AHI1: variants seen among roughly 807,000 people sequenced by gnomAD.
AHI1 encodes Abelson helper integration site 1.
AHI1 carries 123 observed loss-of-function variants against 149.3 expected under a neutral mutation model. The ratio of observed to expected loss-of-function variants is 0.82; its 90% CI spans 0.71 to 0.96. The LOEUF (loss-of-function observed/expected upper bound fraction) is 0.96, where lower values mean the gene tolerates loss of function less well. Ranked by LOEUF, AHI1 falls within the 40% of genes least tolerant of loss-of-function variation. The probability of loss-of-function intolerance (pLI) is 0.00; values close to 1 mark genes in which losing one functional copy is unlikely to be tolerated. For synonymous variants in AHI1, 475 were observed against 459.8 expected (o/e 1.03, Z -0.42); for missense variants, 1,439 against 1,422.7 (o/e 1.01, Z -0.18).
chr6:135,464,069 C>T lies in AHI1; in HGVS notation c.750-763G>A, dbSNP rs113638873. 8.6e-4 allele frequency among the ~76,000 whole-genome samples: 131 copies of T among 151,782 alleles called. 1 individual carries two copies. Among genetic ancestry groups the T allele is most frequent in the African/African-American group, 3.1e-3 (127 of 41,382 alleles). The stretch of plus-strand genomic sequence containing the variant: ...ACTAGTAAATGGTAAGAAGTAGCAA[C>T]CCAGAAGCATACTGAGTTTAAAGAA... On this transcript the variant is annotated intron_variant, in intron 7 of 28. Transcript: ENST00000265602.
At chr6:135,318,288 A>G (rs1786277078) in intron 26 of AHI1, 2 of 414,262 alleles carry the variant, frequency 4.8e-6, no homozygotes, top group Non-Finnish European at 8.7e-6. Flanking sequence ...TTGTCCCATC[A>G]CTTAGGCTGT....
intron 5 of AHI1, among the ~76,000 whole-genome samples, chr6:135,487,466 A>G (rs990497663): frequency 2.6e-5 from 4 of 152,176 alleles, no homozygotes; most frequent in Non-Finnish European, 5.9e-5. Flanking sequence ...AATAATTAAG[A>G]AAGTTCTACA....
chr6:135,455,180 T>C (rs555608382), intron 10 of AHI1, among the ~76,000 whole-genome samples: 1 of 152,280 alleles, frequency 6.6e-6, no homozygotes, highest in African/African-American at 2.4e-5. Flanking sequence ...TTGTTATCAT[T>C]TTCAGTAAGA....
rs150351325 is a variant in AHI1 at position 135,393,257 on chromosome 6, C to A, written c.3109+1519G>T. Among the ~76,000 whole-genome samples the A allele has an allele frequency of 2.7e-3, 404 of 152,136 alleles. 1 individual carries two copies. The highest frequency in any genetic ancestry group is 9.1e-3 in the African/African-American group (377 of 41,532). On this transcript the variant is annotated intron_variant, in intron 23 of 28. Transcript: ENST00000265602. Reference sequence around the variant, plus strand: ...GGCCTTCCTACCTATTCCCTCTGCTCTTTCCCTTTACAAAAAATGAAAAAA... The same window carrying A: ...GGCCTTCCTACCTATTCCCTCTGCTATTTCCCTTTACAAAAAATGAAAAAA...
At chr6:135,427,391 T>C in intron 19 of AHI1, 84 bp from the exon 20 acceptor site, 3 of 1,207,146 alleles carry the variant, frequency 2.5e-6, no homozygotes, top group East Asian at 2.6e-5. Flanking sequence ...CTGCCATTTA[T>C]TAGAAAATAT....
At chr6:135,455,543 G>A (rs1369307584) in intron 10 of AHI1, among the ~76,000 whole-genome samples, 191 bp downstream of exon 10, 1 of 152,114 alleles carries the variant, frequency 6.6e-6, no homozygotes, top group Non-Finnish European at 1.5e-5. Flanking sequence ...TAAACACTCA[G>A]CAAATATGCT....
chr6:135,363,860 C>T (rs1337408438), intron 23 of AHI1, among the ~76,000 whole-genome samples: 1 of 149,450 alleles, frequency 6.7e-6, no homozygotes, highest in Non-Finnish European at 1.5e-5. Context: ...GCGCCCCTCA[C>T]CCCCCGGACG....
intron 21 of AHI1, among the ~76,000 whole-genome samples, chr6:135,408,270 T>C (rs1210436331): frequency 6.6e-6 from 1 of 152,138 alleles, no homozygotes; most frequent in Non-Finnish European, 1.5e-5. Flanking sequence ...TGAAGTTACT[T>C]TGCCATGCAA....
At chr6:135,372,235 A>T (rs1048002343) in intron 23 of AHI1, among the ~76,000 whole-genome samples, 8 of 152,208 alleles carry the variant, frequency 5.3e-5, no homozygotes, top group Non-Finnish European at 7.3e-5. Flanking sequence ...GCAATAGACC[A>T]TGAAGAGGCA....
At chr6:135,287,457 G>A (rs1583500354) in intron 28 of AHI1, among the ~76,000 whole-genome samples, 1 of 152,160 alleles carries the variant, frequency 6.6e-6, no homozygotes, top group South Asian at 2.1e-4. Flanking sequence ...GGACACTGGC[G>A]GCTCCTCCTG....
At chr6:135,453,732 C>T (rs1025910393) in intron 10 of AHI1, among the ~76,000 whole-genome samples, 2 of 152,030 alleles carry the variant, frequency 1.3e-5, no homozygotes, top group African/African-American at 4.8e-5. Flanking sequence ...GCATAGAATT[C>T]TTAAGCTTTC....
At chr6:135,476,684 T>C (rs1427698569) in intron 5 of AHI1, among the ~76,000 whole-genome samples, 2 of 152,220 alleles carry the variant, frequency 1.3e-5, no homozygotes, top group Admixed American at 6.5e-5. Flanking sequence ...CAGTCAGTTA[T>C]ATCCTTGATA....
At chr6:135,484,762 A>G (rs1005052481) in intron 5 of AHI1, among the ~76,000 whole-genome samples, 1 of 151,602 alleles carries the variant, frequency 6.6e-6, no homozygotes, top group Non-Finnish European at 1.5e-5. Context: ...TTGACCAAAA[A>G]AAAAAAAACT....
chr6:135,433,080 C>A lies in AHI1; in HGVS notation c.2213G>T (p.Arg738Leu). 1 of 1,613,624 alleles carries A rather than the reference C, an allele frequency of 6.2e-7. No homozygotes were observed. Among genetic ancestry groups the A allele is most frequent in the Non-Finnish European group, 8.5e-7 (1 of 1,179,682 alleles). The change falls in exon 16 of 29, where the codon CGA becomes CTA. Residue 738 changes from arginine to leucine, a missense_variant. Arg to Leu is a moderately radical substitution (Grantham distance 102). Coordinates refer to ENST00000265602, the MANE Select transcript of AHI1 (RefSeq NM_001134831.2). ...AAAACTTTTGTGAACATCAAACTGTCGGACCAATATGGCAGAATCTTCTCT... is the reference window on the plus strand; with the variant it reads ...AAAACTTTTGTGAACATCAAACTGTAGGACCAATATGGCAGAATCTTCTCT... ...EMREDSAILVRQFDVHKSFIN... is the reference protein window; with the variant it reads ...EMREDSAILVLQFDVHKSFIN...
chr6:135,426,755 C>T (rs1197555495), intron 20 of AHI1, among the ~76,000 whole-genome samples: 4 of 151,510 alleles, frequency 2.6e-5, no homozygotes, highest in Non-Finnish European at 5.9e-5. Context: ...ATTGCGGACA[C>T]GAAAGACATT....
chr6:135,301,683 G>A (rs1783897301), intron 26 of AHI1: 1 of 985,286 alleles, frequency 1.0e-6, no homozygotes, highest in Non-Finnish European at 1.2e-6. Flanking sequence ...GAGACTTTTT[G>A]GTGAAAGGTG....
chr6:135,385,933 CACA>C (rs1395664346), intron 23 of AHI1, among the ~76,000 whole-genome samples: 1 of 152,176 alleles, frequency 6.6e-6, no homozygotes, highest in Non-Finnish European at 1.5e-5. Context: ...TTAATATATT[CACA>C]ACATTTTTAC....
Position 135,485,123 on chromosome 6 carries a change from G to C in AHI1, c.135+5500C>G, listed in dbSNP as rs56095124. On this transcript the variant is annotated intron_variant, in intron 5 of 28. Transcript: ENST00000265602. ...AGTTTCGCTCTTGTAGCCCAGGCTG[G>C]AGTGAGGTGGCATGATCTAGGCTCA... Among the ~76,000 whole-genome samples, 352 of 151,278 alleles carry C rather than the reference G, an allele frequency of 2.3e-3. 1 individual carries two copies. The highest frequency in any genetic ancestry group is 0.01 in the Middle Eastern group (3 of 294).
In AHI1 at chr6:135,433,100, T is replaced by C; in HGVS notation, c.2193A>G (p.Glu731=). ...MIRIWKVEMR[E]DSAILVRQFD... ...ACTGTCGGACCAATATGGCAGAATC[T>C]TCTCTCATCTCAACTTTCCATATCC... The change falls in exon 16 of 29, where the codon GAA becomes GAG. Residue 731 remains glutamate, a synonymous_variant. Transcript: ENST00000265602. 1 of 1,613,780 alleles carries C rather than the reference T, an allele frequency of 6.2e-7. No homozygotes were observed.
Sources: allele counts gnomAD v4.1 joint callset (sites outside exome capture counted in the v4.1 genomes callset), GRCh38; gene constraint gnomAD v4.1.1; transcripts MANE v1.5; gene names NCBI Gene and HGNC (gene_info 2026-07-23, HGNC 2026-07-21).